The following TAC3 variants were observed in gnomAD, a reference collection of about 807,000 sequenced individuals.
TAC3 encodes tachykinin-3.
A neutral mutation model predicts 16.5 loss-of-function variants in TAC3; 9 were observed. The observed-to-expected ratio is 0.55, with a 90% CI of 0.33 to 0.95. TAC3 has a LOEUF of 0.95. Ranked by LOEUF, TAC3 falls within the 40% of genes least tolerant of loss-of-function variation. The probability of loss-of-function intolerance (pLI) is 0.03; values close to 1 mark genes in which losing one functional copy is unlikely to be tolerated. For synonymous variants in TAC3, 52 were observed against 56.7 expected (o/e 0.92, Z 0.37); for missense variants, 129 against 149.1 (o/e 0.87, Z 0.70).
chr12:57,015,668 G>T lies in TAC3; in HGVS notation c.114+16C>A. 1.2e-6 allele frequency: 2 copies of T among 1,605,700 alleles called. No homozygotes were observed. Among genetic ancestry groups the T allele is most frequent in the Non-Finnish European group, 1.7e-6 (2 of 1,173,406 alleles). On this transcript the variant is annotated intron_variant, in intron 2 of 6. Transcript: ENST00000458521. ...GTTCCCGTGATGTCCCCAGTACTCT[G>T]CCAGGGGAGACTTACCTTGCTGCGG...
In TAC3 at chr12:57,012,895, T is replaced by C; in HGVS notation, c.239-20A>G. On this transcript the variant is annotated intron_variant, in intron 4 of 6. Transcript: ENST00000458521. ...TGTCACCTGCAGAAAAGGGCCAACA[T>C]TGTCAGCAGTGATGATGAGAAAGTG... The C allele has an allele frequency of 6.2e-7, 1 of 1,614,070 alleles. No homozygotes were observed. The highest frequency in any genetic ancestry group is 8.5e-7 in the Non-Finnish European group (1 of 1,179,966).
In TAC3 at chr12:57,015,861, G is replaced by A. The variant is rs537808650; in HGVS notation, c.-5-59C>T. 53 of 1,437,640 alleles carry A rather than the reference G, an allele frequency of 3.7e-5. 1 individual carries two copies. The South Asian group carries it at 5.9e-4, about 16-fold the overall frequency. 89.1% of individuals were successfully genotyped at this position (1,437,640 alleles called of 1,614,324 possible). On this transcript the variant is annotated intron_variant, in intron 1 of 6. Transcript: ENST00000458521. ...GAGAGAAGAGGAAGATACAGCATGG[G>A]TGAAGACACAAGAGACATTCATTAC...
At chr12:57,013,550 T>A (rs1472711781) in intron 3 of TAC3, 28 bp downstream of exon 3, 2 of 1,607,966 alleles carry the variant, frequency 1.2e-6, no homozygotes, top group Non-Finnish European at 1.7e-6. Context: ...TGCCCCTCAT[T>A]CCCCTCTCCC....
Position 57,015,703 on chromosome 12 carries a change from G to A in TAC3, c.95C>T (p.Pro32Leu), listed in dbSNP as rs1956362330. The A allele has an allele frequency of 1.4e-5, 23 of 1,614,030 alleles. No individual in the cohort carries two copies. The highest frequency in any genetic ancestry group is 1.9e-5 in the Non-Finnish European group (23 of 1,180,018). The change falls in exon 2 of 7, where the codon CCT (proline) becomes CTT (leucine). Residue 32 changes from proline to leucine, a missense_variant. Pro to Leu is a moderately conservative substitution (Grantham distance 98). Transcript: ENST00000458521. ...ACTTACCTTGCTGCGGCCCCCGCCA[G>A]GAACCACCTCCTCCTGTGGCTCCTT... ...VCKEPQEEVVPGGGRSKRDPD... is the reference protein window; with the variant it reads ...VCKEPQEEVVLGGGRSKRDPD...
At chr12:57,010,417 A>G in intron 6 of TAC3, 129 bp from the exon 7 acceptor site, 1 of 346,702 alleles carries the variant, frequency 2.9e-6, no homozygotes, top group Non-Finnish European at 5.6e-6. Flanking sequence ...GAGAGAGGAA[A>G]GAACAAGTCT....
chr12:57,013,571 C>T lies in TAC3; in HGVS notation c.208+7G>A. On this transcript the variant is annotated splice_region_variant and intron_variant, in intron 3 of 6. Transcript: ENST00000458521. Reference sequence around the variant, plus strand: ...TCATTCCCCTCTCCCCTAGGGCCGCCTCCTACCTGTGCTAGCCTGGCTCAG... The same window carrying T: ...TCATTCCCCTCTCCCCTAGGGCCGCTTCCTACCTGTGCTAGCCTGGCTCAG... 1 of 1,612,972 alleles carries T rather than the reference C, an allele frequency of 6.2e-7. No individual in the cohort carries two copies. Among genetic ancestry groups the T allele is most frequent in the Non-Finnish European group, 8.5e-7 (1 of 1,179,736 alleles).
chr12:57,014,791 C>T (rs944710585), intron 2 of TAC3, among the ~76,000 whole-genome samples: 6 of 152,080 alleles, frequency 3.9e-5, no homozygotes, highest in Admixed American at 1.3e-4. Context: ...TCCCTTGGCC[C>T]AGCATGTGGT....
intron 2 of TAC3, 129 bp downstream of exon 2, chr12:57,015,555 A>T (rs1956359825): frequency 1.3e-6 from 1 of 768,250 alleles, no homozygotes; most frequent in Admixed American, 1.9e-5. Context: ...GAAACAAAGA[A>T]ATCCAAAGGG....
chr12:57,012,340 C>T (rs1273892650), intron 6 of TAC3, 38 bp downstream of exon 6: 2 of 1,576,298 alleles, frequency 1.3e-6, no homozygotes, highest in Non-Finnish European at 1.7e-6. Context: ...CAGCCCCCTC[C>T]CCAGTCCCCT....
At chr12:57,013,988 T>G (rs1592458906) in intron 2 of TAC3, among the ~76,000 whole-genome samples, 3 of 152,332 alleles carry the variant, frequency 2.0e-5, no homozygotes, top group Admixed American at 2.0e-4. Flanking sequence ...GGCACACATC[T>G]GCACCTGTGA....
intron 6 of TAC3, among the ~76,000 whole-genome samples, chr12:57,011,422 G>A (rs1956296201): frequency 6.6e-6 from 1 of 152,204 alleles, no homozygotes; most frequent in South Asian, 2.1e-4. Context: ...CATTGGTGGA[G>A]CTGCTCTTGC....
intron 6 of TAC3, among the ~76,000 whole-genome samples, chr12:57,011,768 A>G (rs1485403926): frequency 6.6e-6 from 1 of 152,212 alleles, no homozygotes; most frequent in Non-Finnish European, 1.5e-5. Context: ...ACCTTGGCCA[A>G]AAAGATACAG....
At position 57,010,193 on chromosome 12, in the gene TAC3, C is replaced by A. The variant is rs1470294110; in HGVS notation, c.*97G>T. The A allele has an allele frequency of 8.8e-6, 4 of 453,860 alleles. No individual in the cohort carries two copies. Among genetic ancestry groups the A allele is most frequent in the Admixed American group, 2.4e-5 (1 of 42,536 alleles). The allele number at this position is 453,860 out of a possible 1,614,324, so 28.1% of individuals were successfully genotyped here. A position where few individuals can be genotyped will look rare whatever the true frequency, so the allele number is the denominator to read the frequency against. On this transcript the variant is annotated 3_prime_UTR_variant, in exon 7 of 7. Coordinates refer to ENST00000458521, the MANE Select transcript of TAC3 (RefSeq NM_013251.4). ...TCAAAGCACAAGAATGTTACAAGAA[C>A]AGGGAAGAGAAAGGGTAACAGGAGC...
At position 57,012,238 on chromosome 12, in the gene TAC3, CAGT is replaced by C. The variant is rs1956308746; in HGVS notation, c.*1+137_*1+139del. ...TCTAAGTGTCTTTGTGTTTGGCCGA[CAGT>C]GTGCTGGGCATTGGCAGTGTATTTC... On this transcript the variant is annotated intron_variant, in intron 6 of 6. Transcript: ENST00000458521. The C allele has an allele frequency of 1.8e-5, 14 of 771,936 alleles. No homozygotes were observed. In the South Asian group the frequency reaches 2.2e-4, roughly 12 times the overall value. The allele number at this position is 771,936 out of a possible 1,614,324, so 47.8% of individuals were successfully genotyped here. A position where few individuals can be genotyped will look rare whatever the true frequency, so the allele number is the denominator to read the frequency against.
intron 4 of TAC3, 66 bp downstream of exon 4, chr12:57,013,293 G>A: frequency 6.3e-7 from 1 of 1,585,236 alleles, no homozygotes; most frequent in Non-Finnish European, 8.7e-7. Context: ...AATGGCCCCT[G>A]GGCCCAATGC....
rs182490303 is a variant in TAC3, at chr12:57,015,484, A to G, written c.114+200T>C. ...ACCTTTTATGTACAAGGTGTCAAAG[A>G]CATGCAGAGATACAGAGACACAAAC... On this transcript the variant is annotated intron_variant, in intron 2 of 6. Transcript: ENST00000458521. 3.1e-3 allele frequency among the ~76,000 whole-genome samples: 479 copies of G among 152,316 alleles called. 4 individuals are homozygous for G. Among genetic ancestry groups the G allele is most frequent in the African/African-American group, 0.011 (446 of 41,566 alleles).
chr12:57,012,749 T>C (rs778024373), intron 5 of TAC3, 73 bp downstream of exon 5: 1 of 1,613,814 alleles, frequency 6.2e-7, no homozygotes, highest in Non-Finnish European at 8.5e-7. Context: ...TGGTGACAAA[T>C]ATGAGGCACG....
chr12:57,011,694 C>T (rs1386598603), intron 6 of TAC3, among the ~76,000 whole-genome samples: 1 of 152,164 alleles, frequency 6.6e-6, no homozygotes, highest in African/African-American at 2.4e-5. Flanking sequence ...AAACCACAAC[C>T]CTGTGAGATA....
chr12:57,014,223 T>C (rs1302007288), intron 2 of TAC3, among the ~76,000 whole-genome samples: 2 of 151,822 alleles, frequency 1.3e-5, no homozygotes, highest in Non-Finnish European at 2.9e-5. Flanking sequence ...TGATTGTCCC[T>C]GTGATTTTTT....
Sources: allele counts gnomAD v4.1 joint callset (sites outside exome capture counted in the v4.1 genomes callset), GRCh38; gene constraint gnomAD v4.1.1; transcripts MANE v1.5; gene names NCBI Gene and HGNC (gene_info 2026-07-23, HGNC 2026-07-21).